TMEM117: variants seen among roughly 807,000 people sequenced by gnomAD.
TMEM117 encodes transmembrane protein 117.
Under a neutral mutation model 52.4 loss-of-function variants are expected in TMEM117, and 27 were observed. The observed-to-expected ratio is 0.51, with a 90% CI of 0.38 to 0.71. TMEM117 has a LOEUF of 0.71. Among genes scored for constraint, TMEM117 ranks in the 30% least tolerant of loss-of-function variants. The probability of loss-of-function intolerance (pLI) is 0.00; values close to 1 mark genes in which losing one functional copy is unlikely to be tolerated. For synonymous variants in TMEM117, 215 were observed against 206.3 expected, an observed-to-expected ratio of 1.04 and a Z score of -0.36; for missense variants, 556 against 630.5, an observed-to-expected ratio of 0.88 and a Z score of 1.26.
At chr12:44,310,649 A>G (rs1334826251) in intron 6 of TMEM117, among the ~76,000 whole-genome samples, 2 of 152,342 alleles carry the variant, frequency 1.3e-5, no homozygotes, top group East Asian at 1.9e-4. Flanking sequence ...TCACAAGCAC[A>G]CAAAATAATC....
intron 3 of TMEM117, among the ~76,000 whole-genome samples, chr12:44,104,775 C>G (rs1234798749): frequency 6.6e-6 from 1 of 151,910 alleles, no homozygotes; most frequent in Non-Finnish European, 1.5e-5. Flanking sequence ...GTTATTTTTT[C>G]TCTCAATGCT....
chr12:43,937,098 C>T (rs1944964122), intron 2 of TMEM117, among the ~76,000 whole-genome samples: 2 of 151,934 alleles, frequency 1.3e-5, no homozygotes, highest in Non-Finnish European at 2.9e-5. Flanking sequence ...GTGCTCCATC[C>T]TTTGAGGAAT....
rs186721002 is a variant in TMEM117, at chr12:44,190,376, A to G, written c.511-20914A>G. Among the ~76,000 whole-genome samples the G allele has an allele frequency of 2.1e-3, 319 of 152,282 alleles. 3 individuals are homozygous for G. Among genetic ancestry groups the G allele is most frequent in the African/African-American group, 7.4e-3 (307 of 41,574 alleles). ...AGGGTGTATAGCAAATCATCTGTAG[A>G]AATTTAGAAAAAATACAGAGTTCTG... On this transcript the variant is annotated intron_variant, in intron 4 of 7. Transcript: ENST00000266534.
intron 2 of TMEM117, among the ~76,000 whole-genome samples, chr12:43,891,523 C>G (rs1316149344): frequency 6.6e-6 from 1 of 151,718 alleles, no homozygotes; most frequent in Non-Finnish European, 1.5e-5. Flanking sequence ...CAGGCACCCA[C>G]CACCATGCCC....
intron 3 of TMEM117, among the ~76,000 whole-genome samples, chr12:44,067,553 G>C (rs756584313): frequency 6.6e-6 from 1 of 152,154 alleles, no homozygotes; most frequent in Non-Finnish European, 1.5e-5. Flanking sequence ...GATTGTCATT[G>C]TCAATGACAT....
At chr12:43,950,472 G>A (rs1259419701) in intron 3 of TMEM117, among the ~76,000 whole-genome samples, 1 of 152,054 alleles carries the variant, frequency 6.6e-6, no homozygotes, top group East Asian at 1.9e-4. Context: ...GGCAATGACT[G>A]AAGTTTCATA....
At chr12:44,308,299 T>A (rs766389096) in intron 6 of TMEM117, among the ~76,000 whole-genome samples, 4 of 152,198 alleles carry the variant, frequency 2.6e-5, no homozygotes, top group African/African-American at 7.2e-5. Context: ...GCATTTGTCT[T>A]TTTCCAATGA....
chr12:43,795,870 G>T, the TMEM117 span: 1 of 989,434 alleles, frequency 1.0e-6, no homozygotes, highest in Non-Finnish European at 1.5e-6. Flanking sequence ...CAGAATCAAG[G>T]ACCATATGTA....
chr12:44,257,250 A>G (rs773010619), intron 5 of TMEM117, among the ~76,000 whole-genome samples: 3 of 151,596 alleles, frequency 2.0e-5, no homozygotes. Context: ...GCTCAATATT[A>G]TGTGCTTGAG....
At chr12:44,347,006 T>C (rs1036802514) in intron 6 of TMEM117, among the ~76,000 whole-genome samples, 2 of 152,044 alleles carry the variant, frequency 1.3e-5, no homozygotes, top group East Asian at 3.9e-4. Flanking sequence ...TATTTTTTAT[T>C]GTTTAGACAA....
intron 3 of TMEM117, among the ~76,000 whole-genome samples, chr12:44,116,989 C>T (rs1423254813): frequency 6.6e-6 from 1 of 152,168 alleles, no homozygotes; most frequent in African/African-American, 2.4e-5. Flanking sequence ...CAAACTGTAT[C>T]ATCTGGCATC....
At chr12:44,075,769 A>G (rs1227593316) in intron 3 of TMEM117, among the ~76,000 whole-genome samples, 1 of 152,128 alleles carries the variant, frequency 6.6e-6, no homozygotes, top group Non-Finnish European at 1.5e-5. Flanking sequence ...ATAGGGGGGA[A>G]ATTATAGTAC....
chr12:44,046,734 G>A (rs1946886459), intron 3 of TMEM117, among the ~76,000 whole-genome samples: 2 of 152,298 alleles, frequency 1.3e-5, no homozygotes, highest in South Asian at 2.1e-4. Context: ...TTAAAAACGT[G>A]TTTGTGCATG....
intron 6 of TMEM117, among the ~76,000 whole-genome samples, chr12:44,314,161 C>T (rs1951025318): frequency 6.6e-6 from 1 of 152,108 alleles, no homozygotes; most frequent in South Asian, 2.1e-4. Context: ...GTAACAGGAT[C>T]CTTGTCTTGT....
intron 6 of TMEM117, among the ~76,000 whole-genome samples, chr12:44,359,765 A>T (rs932743500): frequency 3.3e-5 from 5 of 152,118 alleles, no homozygotes; most frequent in African/African-American, 1.2e-4. Context: ...TCTCAAATTA[A>T]CATGTAAGTG....
At chr12:44,279,714 G>C (rs544648479) in intron 5 of TMEM117, among the ~76,000 whole-genome samples, 25 of 152,168 alleles carry the variant, frequency 1.6e-4, no homozygotes, top group African/African-American at 6.0e-4. Context: ...GGGTTTCACT[G>C]TGTTGCCCAG....
At chr12:43,850,229 G>GTTCC (rs1403446966) in intron 2 of TMEM117, among the ~76,000 whole-genome samples, 3 of 152,196 alleles carry the variant, frequency 2.0e-5, no homozygotes, top group Non-Finnish European at 2.9e-5. Context: ...ATTTGCCTAA[G>GTTCC]GGAAGGATTC....
intron 6 of TMEM117, among the ~76,000 whole-genome samples, chr12:44,307,073 C>G (rs964287973): frequency 6.6e-6 from 1 of 152,150 alleles, no homozygotes; most frequent in African/African-American, 2.4e-5. Context: ...AGTAGGTTGA[C>G]TACTTTAAAA....
intron 3 of TMEM117, among the ~76,000 whole-genome samples, chr12:44,077,885 T>C (rs964613576): frequency 2.0e-5 from 3 of 152,148 alleles, no homozygotes; most frequent in Admixed American, 1.3e-4. Context: ...TTATAGAAAA[T>C]ATTTTCCTCT....
Sources: gnomAD v4.1 joint callset for allele counts (sites outside exome capture counted in the v4.1 genomes callset) on GRCh38, gnomAD v4.1.1 for gene constraint, MANE v1.5 for transcripts, NCBI Gene and HGNC (gene_info 2026-07-23, HGNC 2026-07-21) for gene names.